RPS6KC1: variants seen among roughly 807,000 people sequenced by gnomAD.
The protein encoded by RPS6KC1 is inactive ribosomal protein S6 kinase delta-1.
Under a neutral mutation model 103.8 loss-of-function variants are expected in RPS6KC1, and 54 were observed. That is an observed-to-expected ratio of 0.52 (90% CI 0.42 to 0.65). The LOEUF (loss-of-function observed/expected upper bound fraction) is 0.65. RPS6KC1 is among the 30% of genes least tolerant of loss of function. RPS6KC1 has a pLI of 0.00. For synonymous variants in RPS6KC1, 439 were observed against 438.7 expected, an observed-to-expected ratio of 1.00 and a Z score of -0.01; for missense variants, 1,151 against 1,253.8, an observed-to-expected ratio of 0.92 and a Z score of 1.24.
At chr1:213,262,485 A>G (rs2094819983) in intron 13 of RPS6KC1, among the ~76,000 whole-genome samples, 1 of 152,222 alleles carries the variant, frequency 6.6e-6, no homozygotes, top group African/African-American at 2.4e-5. Context: ...ATAACTAAGG[A>G]CGACGGGACA....
chr1:213,543,665 T>A, the RPS6KC1 span, among the ~76,000 whole-genome samples: 1 of 152,350 alleles, frequency 6.6e-6, no homozygotes, highest in Non-Finnish European at 1.5e-5. Flanking sequence ...ATCCCTTTTG[T>A]CTTCCTTGGG....
Position 213,272,697 on chromosome 1 carries a change from A to G in RPS6KC1, c.*63A>G. ...TCTGTGACAGGCATCTCCAGCACTG[A>G]GGCACCTCTGACTCACAGTTACTTA... On this transcript the variant is annotated 3_prime_UTR_variant, in exon 15 of 15. Transcript: ENST00000366960. The G allele has an allele frequency of 8.2e-7, 1 of 1,217,210 alleles. No homozygotes were observed. The highest frequency in any genetic ancestry group is 1.2e-5 in the South Asian group (1 of 81,228). The allele number at this position is 1,217,210 out of a possible 1,614,324, so 75.4% of individuals were successfully genotyped here. A position where few individuals can be genotyped will look rare whatever the true frequency, so the allele number is the denominator to read the frequency against.
At chr1:213,635,033 A>C in the RPS6KC1 span, among the ~76,000 whole-genome samples, 1 of 152,218 alleles carries the variant, frequency 6.6e-6, no homozygotes, top group African/African-American at 2.4e-5. Context: ...ACAAATGGAT[A>C]AATTCCCGGA....
At chr1:213,488,278 A>G in the RPS6KC1 span, among the ~76,000 whole-genome samples, 10 of 152,242 alleles carry the variant, frequency 6.6e-5, no homozygotes, top group Non-Finnish European at 1.2e-4. Context: ...ATGTAGCTGA[A>G]CTGTCTACAA....
chr1:213,526,303 A>T, the RPS6KC1 span, among the ~76,000 whole-genome samples: 1 of 152,066 alleles, frequency 6.6e-6, no homozygotes, highest in Admixed American at 6.6e-5. Context: ...AGCACATGTG[A>T]TATTGTTGGT....
At chr1:213,498,134 G>T in the RPS6KC1 span, among the ~76,000 whole-genome samples, 313 of 152,196 alleles carry the variant, frequency 2.1e-3, 1 homozygote, top group African/African-American at 7.0e-3. Flanking sequence ...TTTCCTGGGT[G>T]AACATTATCT....
At chr1:213,232,524 A>C (rs1020623725) in intron 10 of RPS6KC1, among the ~76,000 whole-genome samples, 11 of 152,324 alleles carry the variant, frequency 7.2e-5, no homozygotes, top group Non-Finnish European at 1.5e-4. Context: ...TGAGAACTTT[A>C]ATATGAATGT....
chr1:213,549,627 T>C, the RPS6KC1 span, among the ~76,000 whole-genome samples: 1 of 143,768 alleles, frequency 7.0e-6, no homozygotes, highest in Admixed American at 6.9e-5. Context: ...TTTTTTTTTT[T>C]TTTTTTTTTT....
At chr1:213,845,239 G>T in the RPS6KC1 span, among the ~76,000 whole-genome samples, 1 of 152,048 alleles carries the variant, frequency 6.6e-6, no homozygotes, top group South Asian at 2.1e-4. Context: ...GTTTTTTCAG[G>T]TGTTTAACAA....
At chr1:213,769,844 G>A in the RPS6KC1 span, among the ~76,000 whole-genome samples, 4 of 152,128 alleles carry the variant, frequency 2.6e-5, no homozygotes, top group Admixed American at 2.6e-4. Flanking sequence ...AAAAAAATAA[G>A]TAAAATAGTC....
the RPS6KC1 span, among the ~76,000 whole-genome samples, chr1:213,429,983 G>C: frequency 6.6e-6 from 1 of 152,172 alleles, no homozygotes; most frequent in Non-Finnish European, 1.5e-5. Flanking sequence ...AACTTAAAAT[G>C]AAAATAATTA....
chr1:213,218,636 A>G (rs1333705094), intron 8 of RPS6KC1, among the ~76,000 whole-genome samples: 27 of 152,274 alleles, frequency 1.8e-4, no homozygotes, highest in South Asian at 1.2e-3. Flanking sequence ...CAAGGCTACA[A>G]TAACCAAAAC....
the RPS6KC1 span, among the ~76,000 whole-genome samples, chr1:213,390,919 AT>A: frequency 1.3e-5 from 2 of 152,216 alleles, no homozygotes; most frequent in South Asian, 4.2e-4. Flanking sequence ...CCATAATTCC[AT>A]ACTTCTCAAA....
the RPS6KC1 span, among the ~76,000 whole-genome samples, chr1:213,448,678 G>A: frequency 6.6e-6 from 1 of 151,012 alleles, no homozygotes; most frequent in Non-Finnish European, 1.5e-5. Context: ...GCCTCTAGGA[G>A]AGTGAGATTT....
At chr1:213,615,235 G>A in the RPS6KC1 span, among the ~76,000 whole-genome samples, 1 of 152,246 alleles carries the variant, frequency 6.6e-6, no homozygotes, top group African/African-American at 2.4e-5. Flanking sequence ...GGGGTATGGG[G>A]AAGTGTGGGA....
intron 3 of RPS6KC1, among the ~76,000 whole-genome samples, chr1:213,079,561 G>C (rs1310768492): frequency 6.6e-6 from 1 of 151,970 alleles, no homozygotes; most frequent in Non-Finnish European, 1.5e-5. Flanking sequence ...GGGACCATAG[G>C]TGCACACCAC....
intron 1 of RPS6KC1, among the ~76,000 whole-genome samples, chr1:213,056,423 T>TTTCATTAGGTG (rs2077335137): frequency 6.6e-6 from 1 of 152,186 alleles, no homozygotes; most frequent in African/African-American, 2.4e-5. Context: ...ATAAAACATT[T>TTTCATTAGGTG]TTCATTAGGT....
chr1:213,419,859 G>A, the RPS6KC1 span, among the ~76,000 whole-genome samples: 4 of 152,218 alleles, frequency 2.6e-5, no homozygotes, highest in Non-Finnish European at 4.4e-5. Context: ...GCTGTCCTTG[G>A]CACCCCTGCA....
chr1:213,707,460 T>C, the RPS6KC1 span, among the ~76,000 whole-genome samples: 1 of 152,192 alleles, frequency 6.6e-6, no homozygotes, highest in Non-Finnish European at 1.5e-5. Flanking sequence ...CTTTGTCAGA[T>C]GGATAGATTG....
Sources: allele counts gnomAD v4.1 joint callset (sites outside exome capture counted in the v4.1 genomes callset), GRCh38; gene constraint gnomAD v4.1.1; transcripts MANE v1.5; gene names NCBI Gene and HGNC (gene_info 2026-07-23, HGNC 2026-07-21).